RBFOX1: variants seen among roughly 807,000 people sequenced by gnomAD.
RBFOX1 encodes the protein RNA binding fox-1 homolog 1, also known as RNA binding protein fox-1 homolog 1.
A neutral mutation model predicts 57.7 loss-of-function variants in RBFOX1; 8 were observed. The ratio of observed to expected loss-of-function variants is 0.14; its 90% CI spans 0.08 to 0.25. The LOEUF is 0.25. Among genes scored for constraint, RBFOX1 ranks in the 10% least tolerant of loss-of-function variants. The probability of loss-of-function intolerance (pLI) is 1.00; values close to 1 mark genes in which losing one functional copy is unlikely to be tolerated. For missense variants in RBFOX1, 611 were observed against 548.5 expected, an observed-to-expected ratio of 1.11 and a Z score of -1.14; for synonymous variants, 326 against 222.4, an observed-to-expected ratio of 1.47 and a Z score of -4.15.
chr16:6,944,535 G>C (rs146316619), intron 3 of RBFOX1, among the ~76,000 whole-genome samples: 161 of 152,242 alleles, frequency 1.1e-3, no homozygotes, highest in Non-Finnish European at 1.7e-3. Context: ...AAGTGGTCAC[G>C]ATCTGGTATA....
intron 4 of RBFOX1, among the ~76,000 whole-genome samples, chr16:7,434,794 C>A (rs957829529): frequency 2.0e-5 from 3 of 151,090 alleles, no homozygotes; most frequent in Non-Finnish European, 4.4e-5. Flanking sequence ...GGCTGGAGTG[C>A]AGTGGTGTGA....
At chr16:5,527,897 A>G (rs1305014471) in intron 2 of RBFOX1, among the ~76,000 whole-genome samples, 2 of 152,186 alleles carry the variant, frequency 1.3e-5, no homozygotes, top group Admixed American at 1.3e-4. Flanking sequence ...ATTGTAAAAC[A>G]TGGAGGCTCC....
At chr16:7,335,967 T>G (rs2096779158) in intron 4 of RBFOX1, among the ~76,000 whole-genome samples, 1 of 152,196 alleles carries the variant, frequency 6.6e-6, no homozygotes, top group African/African-American at 2.4e-5. Context: ...GAGGAAAGGA[T>G]AAGAGTAGTA....
At chr16:5,573,079 G>T (rs1345898696) in intron 2 of RBFOX1, among the ~76,000 whole-genome samples, 3 of 152,184 alleles carry the variant, frequency 2.0e-5, no homozygotes, top group African/African-American at 7.2e-5. Context: ...TCGTAATGAT[G>T]GTGCCCTGGA....
At chr16:6,999,206 A>ATTTTATTTTATTTTATTTTTTT (rs1568299754) in intron 3 of RBFOX1, among the ~76,000 whole-genome samples, 5 of 72,122 alleles carry the variant, frequency 6.9e-5, no homozygotes, top group Admixed American at 1.3e-4. Context: ...TTTATTTTTT[A>ATTTTATTTTATTTTATTTTTTT]TTTTTATTTA....
chr16:6,982,933 G>T (rs543258397), intron 3 of RBFOX1, among the ~76,000 whole-genome samples: 13 of 141,090 alleles, frequency 9.2e-5, no homozygotes, highest in Admixed American at 6.1e-4. Context: ...GGTGGAGGTT[G>T]CAGTGAGATA....
chr16:7,207,300 G>C (rs932979611), intron 4 of RBFOX1, among the ~76,000 whole-genome samples: 3 of 152,068 alleles, frequency 2.0e-5, no homozygotes, highest in Non-Finnish European at 4.4e-5. Context: ...GCTTCAGGTT[G>C]GTGAGTCATG....
At chr16:5,552,911 G>A (rs943218746) in intron 2 of RBFOX1, among the ~76,000 whole-genome samples, 3 of 152,102 alleles carry the variant, frequency 2.0e-5, no homozygotes, top group African/African-American at 7.2e-5. Flanking sequence ...ACAGCTTGGG[G>A]CAAGAATTCA....
intron 7 of RBFOX1, 40 bp from the exon 8 acceptor site, chr16:7,595,509 T>G: frequency 6.9e-7 from 1 of 1,454,082 alleles, no homozygotes; most frequent in Non-Finnish European, 9.4e-7. Context: ...ACTGAAATAA[T>G]AATCTGCATG....
intron 4 of RBFOX1, among the ~76,000 whole-genome samples, chr16:7,429,426 C>T (rs764482534): frequency 1.3e-5 from 2 of 152,242 alleles, no homozygotes; most frequent in Non-Finnish European, 2.9e-5. Context: ...AAAAGTGATC[C>T]TGCCCAGCCA....
chr16:6,344,644 G>T lies in RBFOX1; in HGVS notation c.-64+27587G>T, dbSNP rs2085081257. ...CATCTCCTGACCTCGTGATTTGCCT[G>T]CCTCGGCCTCCCAAAGTGCTGGGAT... is the stretch of plus-strand genomic sequence containing the variant. On this transcript the variant is annotated intron_variant, in intron 2 of 15. Transcript: ENST00000550418. 2.7e-5 allele frequency among the ~76,000 whole-genome samples: 4 copies of T among 147,272 alleles called. No homozygotes were observed. In the Admixed American group the frequency reaches 2.7e-4, roughly 10 times the overall value.
At chr16:7,343,032 G>A (rs1263909128) in intron 4 of RBFOX1, among the ~76,000 whole-genome samples, 2 of 152,134 alleles carry the variant, frequency 1.3e-5, no homozygotes, top group Non-Finnish European at 2.9e-5. Context: ...GGGGAGGGTG[G>A]ACTTTGTAGG....
chr16:5,275,868 C>G (rs1053427166), intron 1 of RBFOX1, among the ~76,000 whole-genome samples: 2 of 152,140 alleles, frequency 1.3e-5, no homozygotes, highest in African/African-American at 4.8e-5. Flanking sequence ...GTAGAGAACC[C>G]AGAAATAAAG....
At position 6,994,852 on chromosome 16, in the gene RBFOX1, C is replaced by CA. The variant is rs530374488; in HGVS notation, c.-15-57203dup. Among the ~76,000 whole-genome samples, 628 of 152,246 alleles carry CA rather than the reference C, an allele frequency of 4.1e-3. 4 individuals are homozygous for CA. The highest frequency in any genetic ancestry group is 7.7e-3 in the Non-Finnish European group (526 of 68,032). On this transcript the variant is annotated intron_variant, in intron 3 of 15. Coordinates refer to ENST00000550418, the MANE Select transcript of RBFOX1 (RefSeq NM_018723.4). ...AAAAATTCACTTTTGATGGTAGACA[C>CA]AAGGTGAGATGTTATCAAAACAAAA... is the stretch of plus-strand genomic sequence containing the variant.
intron 3 of RBFOX1, among the ~76,000 whole-genome samples, chr16:5,761,938 G>T (rs1324871924): frequency 1.3e-5 from 2 of 152,126 alleles, no homozygotes; most frequent in African/African-American, 4.8e-5. Context: ...CTCCCAGGAG[G>T]CAGGGATGGG....
intron 1 of RBFOX1, among the ~76,000 whole-genome samples, chr16:6,166,767 G>A (rs1328499041): frequency 2.0e-5 from 3 of 152,048 alleles, no homozygotes; most frequent in South Asian, 2.1e-4. Context: ...GCCCCGTGGG[G>A]TTTTTGTTTT....
intron 2 of RBFOX1, among the ~76,000 whole-genome samples, chr16:6,625,144 C>A (rs1315042333): frequency 7.9e-6 from 1 of 127,290 alleles, no homozygotes; most frequent in Admixed American, 9.3e-5. Flanking sequence ...CATCCTCGGC[C>A]ACCAACCCTA....
chr16:6,533,563 G>A (rs2096691148), intron 2 of RBFOX1, among the ~76,000 whole-genome samples: 1 of 151,918 alleles, frequency 6.6e-6, no homozygotes, highest in Non-Finnish European at 1.5e-5. Flanking sequence ...CAAGACATAT[G>A]GTAACATACA....
intron 2 of RBFOX1, among the ~76,000 whole-genome samples, chr16:5,484,222 G>A (rs2069647496): frequency 6.6e-6 from 1 of 152,140 alleles, no homozygotes; most frequent in Non-Finnish European, 1.5e-5. Flanking sequence ...TTAACTCAAG[G>A]CCTGACTGGG....
Sources: allele counts gnomAD v4.1 joint callset (sites outside exome capture counted in the v4.1 genomes callset), GRCh38; gene constraint gnomAD v4.1.1; transcripts MANE v1.5; gene names NCBI Gene and HGNC (gene_info 2026-07-23, HGNC 2026-07-21).